Variants in BMF observed in about 807,000 individuals in gnomAD.
BMF encodes Bcl2 modifying factor.
A neutral mutation model predicts 22.0 loss-of-function variants in BMF; 10 were observed. The observed-to-expected ratio is 0.45, with a 90% CI of 0.28 to 0.77. The LOEUF (loss-of-function observed/expected upper bound fraction) is 0.77. BMF is among the 30% of genes least tolerant of loss of function. The pLI, the probability that BMF is intolerant of heterozygous loss-of-function variation, is 0.13. For missense variants in BMF, 206 were observed against 226.8 expected (o/e 0.91, Z 0.59); for synonymous variants, 87 against 88.1 (o/e 0.99, Z 0.07).
At chr15:40,097,228 C>T (rs2036383581) in intron 4 of BMF, among the ~76,000 whole-genome samples, 1 of 149,428 alleles carries the variant, frequency 6.7e-6, no homozygotes, top group South Asian at 2.1e-4. Flanking sequence ...ACTGAGCTAC[C>T]AAGCACCTAA....
intron 3 of BMF, among the ~76,000 whole-genome samples, chr15:40,105,130 G>GT (rs1482151414): frequency 6.6e-6 from 1 of 152,262 alleles, no homozygotes; most frequent in African/African-American, 2.4e-5. Flanking sequence ...GTCAGACACA[G>GT]TAAGCCACGC....
At chr15:40,092,335 C>A (rs937561811) in intron 4 of BMF, among the ~76,000 whole-genome samples, 4 of 150,202 alleles carry the variant, frequency 2.7e-5, no homozygotes, top group Non-Finnish European at 4.4e-5. Context: ...AAGGGGGGGC[C>A]TCCATCTGCA....
At chr15:40,097,747 C>T (rs1246531432) in intron 4 of BMF, among the ~76,000 whole-genome samples, 1 of 152,234 alleles carries the variant, frequency 6.6e-6, no homozygotes, top group Non-Finnish European at 1.5e-5. Context: ...CAGGCTCCTC[C>T]TTCCCTGGGG....
intron 4 of BMF, among the ~76,000 whole-genome samples, chr15:40,103,930 C>A (rs2036531213): frequency 6.6e-6 from 1 of 152,200 alleles, no homozygotes; most frequent in Non-Finnish European, 1.5e-5. Flanking sequence ...CAGACTGTAG[C>A]CTCTCCCGAG....
intron 4 of BMF, among the ~76,000 whole-genome samples, chr15:40,103,687 C>A (rs779912902): frequency 2.6e-5 from 4 of 152,218 alleles, no homozygotes; most frequent in Non-Finnish European, 5.9e-5. Context: ...GCGGCCTCCC[C>A]AGCTGGAAAG....
At chr15:40,095,649 G>A (rs2036341835) in intron 4 of BMF, among the ~76,000 whole-genome samples, 1 of 152,146 alleles carries the variant, frequency 6.6e-6, no homozygotes, top group African/African-American at 2.4e-5. Flanking sequence ...CCCAAGGGTC[G>A]GGGCTGGGAT....
rs774793107 is a variant in BMF at position 40,106,135 on chromosome 15, G to A, written c.-5-44C>T. ...GGCATCTGGGCTGCTGCCCCACCAG[G>A]GCCATACCTGGAAGGACTCCCCTTC... On this transcript the variant is annotated intron_variant, in intron 2 of 4. Coordinates refer to ENST00000354670, the MANE Select transcript of BMF (RefSeq NM_001003940.2). This position sits in a 1 kb window ranked among gnomAD's most constrained non-coding sequence, Gnocchi z 4.1. 10 of 1,529,556 alleles carry A rather than the reference G, an allele frequency of 6.5e-6. No individual in the cohort carries two copies. Among genetic ancestry groups the A allele is most frequent in the East Asian group, 2.3e-5 (1 of 44,020 alleles). The allele number at this position is 1,529,556 out of a possible 1,614,324, so 94.7% of individuals were successfully genotyped here. A position where few individuals can be genotyped will look rare whatever the true frequency, so the allele number is the denominator to read the frequency against.
chr15:40,095,424 G>A (rs780140874), intron 4 of BMF, among the ~76,000 whole-genome samples: 5 of 152,214 alleles, frequency 3.3e-5, no homozygotes, highest in Non-Finnish European at 5.9e-5. Flanking sequence ...ACCAGAGAAC[G>A]TGGGATCTTC....
intron 4 of BMF, among the ~76,000 whole-genome samples, 171 bp from the exon 5 acceptor site, chr15:40,092,059 T>A (rs1567030442): frequency 6.6e-6 from 1 of 152,200 alleles, no homozygotes. Flanking sequence ...CACTGCCATG[T>A]GGAGGAGAGA....
intron 4 of BMF, among the ~76,000 whole-genome samples, chr15:40,094,601 C>T (rs2036316561): frequency 6.6e-6 from 1 of 152,170 alleles, no homozygotes. Flanking sequence ...GGTTTCTAAA[C>T]CCAACTGTGT....
chr15:40,106,067 A>C lies in BMF; in HGVS notation c.20T>G (p.Val7Gly), dbSNP rs761739007. MEPSQC[V>G]EELEDDVFQP... is the part of the protein sequence containing the mutation. ...GAACACATCATCCTCCAGCTCCTCC[A>C]CACACTGAGATGGCTCCATCTCTCC... Residue 7 changes from valine (V) to glycine (G), a missense_variant, in exon 3 of 5, where the codon GTG becomes GGG. Physicochemically the swap from Val to Gly is moderately radical, Grantham distance 109 (BLOSUM62 -3). Coordinates refer to ENST00000354670, the MANE Select transcript of BMF (RefSeq NM_001003940.2). This position sits in a 1 kb window ranked among gnomAD's most constrained non-coding sequence, Gnocchi z 4.1. The C allele has an allele frequency of 6.2e-7, 1 of 1,607,916 alleles. No homozygotes were observed. Among genetic ancestry groups the C allele is most frequent in the Non-Finnish European group, 8.5e-7 (1 of 1,177,092 alleles).
chr15:40,091,312 C>A lies in BMF; in HGVS notation c.*475G>T, dbSNP rs1452770961. ...TGGAAAGCCCCTGGCCGAAGCCCTG[C>A]TGGGTTAAAGCAATGTGACCATCAG... On this transcript the variant is annotated 3_prime_UTR_variant, in exon 5 of 5. Transcript: ENST00000354670. 6.5e-6 allele frequency: 1 copy of A among 153,130 alleles called. No homozygotes were observed. Among genetic ancestry groups the A allele is most frequent in the African/African-American group, 2.4e-5 (1 of 41,452 alleles). 9.5% of individuals were successfully genotyped at this position (153,130 alleles called of 1,614,324 possible). A position where few individuals can be genotyped will look rare whatever the true frequency, so the allele number is the denominator to read the frequency against.
chr15:40,106,031 T>A lies in BMF; in HGVS notation c.56A>T (p.Asp19Val). ...CCCGGGTTGGGTCACCGGCTCCCCATCCTCTGGTTGGAACACATCATCCTC... is the reference window on the plus strand; with the variant it reads ...CCCGGGTTGGGTCACCGGCTCCCCAACCTCTGGTTGGAACACATCATCCTC... ...ELEDDVFQPEDGEPVTQPGSL... is the reference protein window; with the variant it reads ...ELEDDVFQPEVGEPVTQPGSL... Residue 19 changes from aspartate (D) to valine (V), a missense_variant, in exon 3 of 5, where the codon GAT becomes GTT. Asp to Val is a radical substitution (Grantham distance 152). Coordinates refer to ENST00000354670, the MANE Select transcript of BMF (RefSeq NM_001003940.2). The surrounding 1 kb of genome is among the most constrained non-coding windows in gnomAD (Gnocchi z 4.1). 6.2e-7 allele frequency: 1 copy of A among 1,613,560 alleles called. No individual in the cohort carries two copies.
At chr15:40,093,356 G>A (rs1227511698) in intron 4 of BMF, among the ~76,000 whole-genome samples, 1 of 152,258 alleles carries the variant, frequency 6.6e-6, no homozygotes, top group Non-Finnish European at 1.5e-5. Context: ...TGGAGGCGCA[G>A]CTCCTGCCCG....
At chr15:40,098,265 C>T (rs1445851944) in intron 4 of BMF, among the ~76,000 whole-genome samples, 3 of 152,174 alleles carry the variant, frequency 2.0e-5, no homozygotes, top group Admixed American at 6.5e-5. Flanking sequence ...TTGAGGGGTA[C>T]GGTTCGGGGA....
chr15:40,091,875 T>C lies in BMF; in HGVS notation c.467A>G (p.Gln156Arg). The change falls in exon 5 of 5, where the codon CAA (glutamine) becomes CGA (arginine). Residue 156 changes from glutamine to arginine, a missense_variant. Gln to Arg is a conservative substitution (Grantham distance 43). Coordinates refer to ENST00000354670, the MANE Select transcript of BMF (RefSeq NM_001003940.2). Reference sequence around the variant, plus strand: ...GAGGATCTGCCACCACACACGATTTTGGTTCTGCTGGTGCTGAAGGGAGAA... The same window carrying C: ...GAGGATCTGCCACCACACACGATTTCGGTTCTGCTGGTGCTGAAGGGAGAA... ...RLHVQQHQQNQNRVWWQILLF... is the reference protein window; with the variant it reads ...RLHVQQHQQNRNRVWWQILLF... 6.2e-7 allele frequency: 1 copy of C among 1,608,176 alleles called. No individual in the cohort carries two copies. Among genetic ancestry groups the C allele is most frequent in the Non-Finnish European group, 8.5e-7 (1 of 1,177,396 alleles).
At position 40,091,828 on chromosome 15, in the gene BMF, A is replaced by G; in HGVS notation, c.514T>C (p.Leu172=). The change falls in exon 5 of 5, where the codon TTG becomes CTG. Residue 172 remains leucine, a synonymous_variant. Transcript: ENST00000354670. ...CCGTTCCTGTTCTCTTCTCCATTCAAAGCAAGGTTGTGCAGGAAGAGGAGG... is the reference window on the plus strand; with the variant it reads ...CCGTTCCTGTTCTCTTCTCCATTCAGAGCAAGGTTGTGCAGGAAGAGGAGG... ...QILLFLHNLA[L]NGEENRNGAG... 6.2e-7 allele frequency: 1 copy of G among 1,612,016 alleles called. No individual in the cohort carries two copies.
chr15:40,107,584 G>T (rs1004043229), intron 2 of BMF, among the ~76,000 whole-genome samples: 1 of 150,574 alleles, frequency 6.6e-6, no homozygotes, highest in African/African-American at 2.4e-5. Flanking sequence ...GTATGGGGAG[G>T]GGGGTGAGGT....
intron 4 of BMF, 140 bp downstream of exon 4, chr15:40,104,040 G>C: frequency 8.8e-7 from 1 of 1,137,264 alleles, no homozygotes; most frequent in Non-Finnish European, 1.3e-6. Flanking sequence ...TCCTGCCCAT[G>C]GGAACCGCCA....
Sources: allele counts gnomAD v4.1 joint callset (sites outside exome capture counted in the v4.1 genomes callset), GRCh38; gene constraint gnomAD v4.1.1; non-coding constraint Gnocchi (gnomAD v3.1); transcripts MANE v1.5; gene names NCBI Gene and HGNC (gene_info 2026-07-23, HGNC 2026-07-21).